Variants in C2orf76 observed in about 807,000 individuals in gnomAD.
C2orf76 encodes the protein UPF0538 protein C2orf76.
C2orf76 carries 23 observed loss-of-function variants against 16.9 expected under a neutral mutation model. The observed-to-expected ratio is 1.36, with a 90% CI of 0.98 to 1.93. The LOEUF (loss-of-function observed/expected upper bound fraction) is 1.93, where lower values mean the gene tolerates loss of function less well. C2orf76 is among the 30% of genes most tolerant of loss of function. The pLI is 0.00. For missense variants in C2orf76, 152 were observed against 152.6 expected (o/e 1.00, Z 0.02); for synonymous variants, 48 against 52.3 (o/e 0.92, Z 0.35).
At chr2:119,308,165 T>C (rs1041937593) in intron 5 of C2orf76, among the ~76,000 whole-genome samples, 9 of 152,196 alleles carry the variant, frequency 5.9e-5, no homozygotes, top group Non-Finnish European at 1.3e-4. Context: ...AAGGAATACA[T>C]GTAAACTGTA....
intron 1 of C2orf76, among the ~76,000 whole-genome samples, chr2:119,354,274 C>G (rs990385465): frequency 5.3e-5 from 8 of 152,266 alleles, no homozygotes; most frequent in African/African-American, 1.9e-4. Context: ...CTTTGAGAGG[C>G]TGAGGAAGGC....
chr2:119,365,607 G>T (rs565848468), intron 1 of C2orf76, among the ~76,000 whole-genome samples: 1 of 152,266 alleles, frequency 6.6e-6, no homozygotes, highest in East Asian at 1.9e-4. Context: ...CAGCCCTCTT[G>T]CCACAAATTA....
intron 4 of C2orf76, among the ~76,000 whole-genome samples, chr2:119,316,583 T>A (rs1403699249): frequency 6.6e-6 from 1 of 152,186 alleles, no homozygotes; most frequent in Middle Eastern, 3.2e-3. Flanking sequence ...GTGATACGCA[T>A]TTATCTGAAA....
intron 2 of C2orf76, among the ~76,000 whole-genome samples, chr2:119,329,617 TTTAGC>T (rs1431845876): frequency 2.0e-5 from 3 of 152,204 alleles, no homozygotes; most frequent in African/African-American, 7.2e-5. Context: ...TATCTCTTTT[TTTAGC>T]TCATTAGCTG....
chr2:119,315,219 T>G (rs913120022), intron 4 of C2orf76, among the ~76,000 whole-genome samples: 1 of 151,772 alleles, frequency 6.6e-6, no homozygotes, highest in Admixed American at 6.6e-5. Flanking sequence ...CAGAGGAGGC[T>G]CGGGTGGGAA....
intron 1 of C2orf76, among the ~76,000 whole-genome samples, chr2:119,346,777 A>T (rs1048867890): frequency 6.6e-5 from 10 of 152,208 alleles, no homozygotes; most frequent in African/African-American, 2.4e-4. Flanking sequence ...CTAAATGCAT[A>T]CACACACAGG....
chr2:119,309,398 C>CTTTTTTTTTTTTT (rs1193022536), intron 5 of C2orf76, among the ~76,000 whole-genome samples: 3 of 71,356 alleles, frequency 4.2e-5, no homozygotes, highest in African/African-American at 6.0e-5. Flanking sequence ...TTCTCTTTTT[C>CTTTTTTTTTTTTT]TTTTTTTTTT....
At chr2:119,282,259 C>T in the C2orf76 span, among the ~76,000 whole-genome samples, 41 of 152,280 alleles carry the variant, frequency 2.7e-4, no homozygotes, top group African/African-American at 9.4e-4. Context: ...TCACAAACGC[C>T]GCTGGGCTGC....
At chr2:119,361,480 T>A (rs1489508424) in intron 1 of C2orf76, among the ~76,000 whole-genome samples, 1 of 152,030 alleles carries the variant, frequency 6.6e-6, no homozygotes, top group African/African-American at 2.4e-5. Context: ...GATAAAAAAA[T>A]ACGGATACAC....
intron 2 of C2orf76, chr2:119,338,826 A>G (rs1185805975): frequency 6.6e-6 from 1 of 152,202 alleles, no homozygotes; most frequent in East Asian, 1.9e-4. Context: ...GGGCAAGCAA[A>G]GTACAATAAC....
intron 2 of C2orf76, among the ~76,000 whole-genome samples, chr2:119,329,974 G>T (rs990028756): frequency 5.3e-5 from 8 of 151,910 alleles, no homozygotes; most frequent in African/African-American, 1.2e-4. Flanking sequence ...CCTGAAGAAG[G>T]TCTTCCAACA....
At chr2:119,325,457 CAAAA>C (rs59581840) in intron 2 of C2orf76, among the ~76,000 whole-genome samples, 5 of 59,784 alleles carry the variant, frequency 8.4e-5, no homozygotes, top group Non-Finnish European at 9.4e-5. Context: ...AAGACTGTCT[CAAAA>C]AAAAAAAAAA....
downstream of C2orf76, among the ~76,000 whole-genome samples, chr2:119,297,491 T>G (rs1182258115): frequency 6.6e-6 from 1 of 152,238 alleles, no homozygotes; most frequent in African/African-American, 2.4e-5. Flanking sequence ...TTTTTACTTT[T>G]TTTTAATCTT....
At chr2:119,294,708 C>T in the C2orf76 span, among the ~76,000 whole-genome samples, 1 of 152,100 alleles carries the variant, frequency 6.6e-6, no homozygotes, top group African/African-American at 2.4e-5. Flanking sequence ...GGAGAGCGAG[C>T]GGAACTGCAG....
intron 1 of C2orf76, among the ~76,000 whole-genome samples, chr2:119,350,244 TATTA>T (rs1050074853): frequency 7.8e-4 from 118 of 152,126 alleles, no homozygotes; most frequent in Admixed American, 1.3e-3. Flanking sequence ...TCAAAATTAA[TATTA>T]ATTATATATT....
At chr2:119,306,293 C>T (rs1012842819) in intron 5 of C2orf76, among the ~76,000 whole-genome samples, 1 of 152,168 alleles carries the variant, frequency 6.6e-6, no homozygotes, top group African/African-American at 2.4e-5. Flanking sequence ...GCCACAGAAT[C>T]CCACAATATT....
the C2orf76 span, among the ~76,000 whole-genome samples, chr2:119,284,850 AAATT>A: frequency 6.6e-6 from 1 of 152,222 alleles, no homozygotes; most frequent in African/African-American, 2.4e-5. Context: ...TCATGTGAAT[AAATT>A]AAGATTTGAA....
At chr2:119,293,285 T>C in the C2orf76 span, among the ~76,000 whole-genome samples, 3 of 152,238 alleles carry the variant, frequency 2.0e-5, no homozygotes, top group Admixed American at 6.5e-5. Context: ...GCCTCTTTTA[T>C]GGCATTTGAG....
chr2:119,306,282 A>AGC (rs1678781060), intron 5 of C2orf76, among the ~76,000 whole-genome samples: 1 of 152,210 alleles, frequency 6.6e-6, no homozygotes, highest in African/African-American at 2.4e-5. Flanking sequence ...GAGAAGGGGG[A>AGC]GCCACAGAAT....
Sources: allele counts gnomAD v4.1 joint callset (sites outside exome capture counted in the v4.1 genomes callset), GRCh38; gene constraint gnomAD v4.1.1; transcripts MANE v1.5; gene names NCBI Gene and HGNC (gene_info 2026-07-23, HGNC 2026-07-21).